The following ANKHD1 variants were observed in gnomAD, a reference collection of about 807,000 sequenced individuals.
ANKHD1 encodes ankyrin repeat and KH domain containing 1, also known as ankyrin repeat and KH domain-containing protein 1.
In ANKHD1, 31 loss-of-function variants were observed where a neutral mutation model predicts 230.5. That is an observed-to-expected ratio of 0.13 (90% CI 0.10 to 0.18). The LOEUF (loss-of-function observed/expected upper bound fraction) is 0.18, where lower values mean the gene tolerates loss of function less well. Ranked by LOEUF, ANKHD1 falls within the 10% of genes least tolerant of loss-of-function variation. ANKHD1 has a pLI of 1.00. For missense variants in ANKHD1, 2,256 were observed against 3,071.3 expected (o/e 0.73, Z 6.27); for synonymous variants, 1,074 against 1,117.6 (o/e 0.96, Z 0.78).
intron 6 of ANKHD1, 131 bp from the exon 7 acceptor site, chr5:140,449,080 A>G: frequency 1.0e-6 from 1 of 969,126 alleles, no homozygotes; most frequent in Non-Finnish European, 1.5e-6. Flanking sequence ...ACTGTTACTG[A>G]TTTATTTATT....
intron 11 of ANKHD1, 123 bp downstream of exon 11, chr5:140,482,790 G>A (rs1751342527): frequency 2.0e-6 from 2 of 1,011,756 alleles, no homozygotes; most frequent in Non-Finnish European, 2.8e-6. Context: ...CTTGCCTTTT[G>A]TTATTATATT....
chr5:140,442,937 G>A (rs569240342), intron 5 of ANKHD1, among the ~76,000 whole-genome samples: 11 of 149,332 alleles, frequency 7.4e-5, no homozygotes, highest in Admixed American at 3.3e-4. Flanking sequence ...ATGGAGTCTC[G>A]CACTGTTGCC....
intron 1 of ANKHD1, among the ~76,000 whole-genome samples, chr5:140,409,580 C>A (rs186607826): frequency 6.7e-6 from 1 of 148,828 alleles, no homozygotes; most frequent in Non-Finnish European, 1.5e-5. Flanking sequence ...GTCAGAGGAG[C>A]CTTGCTCTGT....
intron 1 of ANKHD1, among the ~76,000 whole-genome samples, chr5:140,409,081 C>CA (rs1450066006): frequency 2.6e-5 from 4 of 152,142 alleles, no homozygotes; most frequent in Admixed American, 2.6e-4. Flanking sequence ...CTCCTAGGGA[C>CA]AAAATCACTC....
rs1458778824 is a variant in ANKHD1, at chr5:140,517,976, C to A, written c.4317+4497C>A. 5.3e-5 allele frequency among the ~76,000 whole-genome samples: 8 copies of A among 152,010 alleles called. No homozygotes were observed. The East Asian group carries it at 9.7e-4, about 18-fold the overall frequency. On this transcript the variant is annotated intron_variant, in intron 24 of 33. Transcript: ENST00000360839. ...TGAAGGAAATAGAGACACAAAAAAACCCTTCAAAAAATTAACGAATCCAGG... is the reference window on the plus strand; with the variant it reads ...TGAAGGAAATAGAGACACAAAAAAAACCTTCAAAAAATTAACGAATCCAGG...
At position 140,445,943 on chromosome 5, in the gene ANKHD1, A is replaced by G; in HGVS notation, c.1115A>G (p.Lys372Arg). Reference sequence around the variant, plus strand: ...ATCAACACTCATTCTAATGAATTCAAAGAAAGTGCTCTAACACTTGCTTGC... The same window carrying G: ...ATCAACACTCATTCTAATGAATTCAGAGAAAGTGCTCTAACACTTGCTTGC... ...AGINTHSNEF[K>R]ESALTLACYK... is the part of the protein sequence containing the mutation. Residue 372 changes from lysine to arginine, a missense_variant, in exon 6 of 34, where the codon AAA becomes AGA. This residue lies in a region of ANKHD1 where 206 missense variants were observed against 304.5 expected (regional missense o/e 0.68). Transcript: ENST00000360839. 1 of 1,607,618 alleles carries G rather than the reference A, an allele frequency of 6.2e-7. No homozygotes were observed. Among genetic ancestry groups the G allele is most frequent in the Non-Finnish European group, 8.5e-7 (1 of 1,176,186 alleles).
intron 10 of ANKHD1, 46 bp downstream of exon 10, chr5:140,464,822 C>T: frequency 1.3e-6 from 2 of 1,516,002 alleles, no homozygotes; most frequent in Non-Finnish European, 1.8e-6. Flanking sequence ...ATGTTAATAT[C>T]CATTTATACT....
intron 1 of ANKHD1, among the ~76,000 whole-genome samples, chr5:140,435,521 GCA>G (rs1773373816): frequency 6.6e-6 from 1 of 151,684 alleles, no homozygotes; most frequent in South Asian, 2.1e-4. Flanking sequence ...GGGATTACAG[GCA>G]CCACCTCACC....
intron 1 of ANKHD1, among the ~76,000 whole-genome samples, chr5:140,435,311 C>T (rs984238071): frequency 6.7e-6 from 1 of 149,632 alleles, no homozygotes; most frequent in African/African-American, 2.5e-5. Flanking sequence ...GTTGTTTGTT[C>T]TATTCTATCT....
In ANKHD1 at chr5:140,436,350, T is replaced by C. The variant is rs544850712; in HGVS notation, c.460+93T>C. 2.4e-6 allele frequency: 3 copies of C among 1,267,416 alleles called. No homozygotes were observed. The African/African-American group carries it at 4.6e-5, about 20-fold the overall frequency. 78.5% of individuals were successfully genotyped at this position (1,267,416 alleles called of 1,614,324 possible). ...ATTATCCCCAAATTCTATAACATTA[T>C]ACAAAATTTAAAATCTCTAAAATTT... On this transcript the variant is annotated intron_variant, in intron 2 of 33. Coordinates refer to ENST00000360839, the MANE Select transcript of ANKHD1 (RefSeq NM_017747.3).
chr5:140,528,444 A>G lies in ANKHD1; in HGVS notation c.5498A>G (p.Lys1833Arg). 2 of 1,614,182 alleles carry G rather than the reference A, an allele frequency of 1.2e-6. No homozygotes were observed. Among genetic ancestry groups the G allele is most frequent in the Non-Finnish European group, 1.7e-6 (2 of 1,180,036 alleles). The change falls in exon 29 of 34, where the codon AAG (lysine) becomes AGG (arginine). Residue 1833 changes from lysine (K) to arginine (R), a missense_variant. Transcript: ENST00000360839. ...STFQPANKLN[K>R]NVPTNVRSSF... ...TTCCAGCCCGCTAATAAACTTAATA[A>G]GAATGTTCCAACAAATGTACGTTCT...
intron 7 of ANKHD1, 37 bp from the exon 8 acceptor site, chr5:140,458,588 T>A: frequency 6.4e-7 from 1 of 1,560,928 alleles, no homozygotes; most frequent in East Asian, 2.3e-5. Flanking sequence ...AAACAAAAAA[T>A]TTCTCTCCTT....
In ANKHD1 at chr5:140,499,875, T is replaced by C. The variant is rs191134865; in HGVS notation, c.3004+2597T>C. Among the ~76,000 whole-genome samples the C allele has an allele frequency of 4.0e-3, 604 of 151,512 alleles. 3 individuals are homozygous for C. In the Middle Eastern group the frequency reaches 0.051, roughly 13 times the overall value. On this transcript the variant is annotated intron_variant, in intron 15 of 33. Transcript: ENST00000360839. ...ATACTTAGTAAAATTTTCTTTCTTTTTTTTTTTTTTTGAGATAGAGTCTCA... is the reference window on the plus strand; with the variant it reads ...ATACTTAGTAAAATTTTCTTTCTTTCTTTTTTTTTTTGAGATAGAGTCTCA...
chr5:140,493,361 G>A (rs1341193386), intron 14 of ANKHD1, among the ~76,000 whole-genome samples: 4 of 152,034 alleles, frequency 2.6e-5, no homozygotes, highest in East Asian at 1.9e-4. Context: ...CACCGCACCC[G>A]GCCACCTTTA....
chr5:140,406,407 G>T (rs1770448836), intron 1 of ANKHD1, among the ~76,000 whole-genome samples: 1 of 151,954 alleles, frequency 6.6e-6, no homozygotes, highest in South Asian at 2.1e-4. Flanking sequence ...GAATTAGTTG[G>T]TCTTCTACAT....
intron 2 of ANKHD1, among the ~76,000 whole-genome samples, chr5:140,437,825 CAG>C (rs1359507131): frequency 1.3e-5 from 2 of 152,204 alleles, no homozygotes; most frequent in Non-Finnish European, 2.9e-5. Context: ...CCTCACACCT[CAG>C]ACATTGTTTT....
intron 7 of ANKHD1, among the ~76,000 whole-genome samples, chr5:140,451,335 A>G (rs1436993113): frequency 6.6e-6 from 1 of 152,172 alleles, no homozygotes; most frequent in African/African-American, 2.4e-5. Context: ...GACTCAGTAC[A>G]GTAATTTGGT....
chr5:140,464,560 T>A (rs1440334352), intron 9 of ANKHD1, 107 bp from the exon 10 acceptor site: 2 of 967,304 alleles, frequency 2.1e-6, no homozygotes, highest in Non-Finnish European at 2.9e-6. Flanking sequence ...AAATGCATTT[T>A]GATATTTTCA....
In ANKHD1 at chr5:140,507,101, G is replaced by A. The variant is rs547760629; in HGVS notation, c.3551+124G>A. On this transcript the variant is annotated intron_variant, in intron 19 of 33. Coordinates refer to ENST00000360839, the MANE Select transcript of ANKHD1 (RefSeq NM_017747.3). The surrounding 1 kb of genome is among the most constrained non-coding windows in gnomAD (Gnocchi z 4.1). ...ATAGTACTAAAGTTGCAAAGCCAAC[G>A]ATTATACCTATAATGTGTTTGTTTA... The A allele has an allele frequency of 5.6e-4, 757 of 1,352,856 alleles. 1 individual carries two copies. The highest frequency in any genetic ancestry group is 7.1e-4 in the Non-Finnish European group (713 of 1,006,242). 83.8% of individuals were successfully genotyped at this position (1,352,856 alleles called of 1,614,324 possible). A position where few individuals can be genotyped will look rare whatever the true frequency, so the allele number is the denominator to read the frequency against.
Sources: allele counts gnomAD v4.1 joint callset (sites outside exome capture counted in the v4.1 genomes callset), GRCh38; gene constraint gnomAD v4.1.1; regional missense constraint gnomAD v4.1.1; non-coding constraint Gnocchi (gnomAD v3.1); transcripts MANE v1.5; gene names NCBI Gene and HGNC (gene_info 2026-07-23, HGNC 2026-07-21).